DYNC2I1: variants seen among roughly 807,000 people sequenced by gnomAD.
The protein encoded by DYNC2I1 is cytoplasmic dynein 2 intermediate chain 1.
In DYNC2I1, 89 loss-of-function variants were observed where a neutral mutation model predicts 133.4. The ratio of observed to expected loss-of-function variants is 0.67; its 90% CI spans 0.56 to 0.80. The LOEUF is 0.80. Ranked by LOEUF, DYNC2I1 falls within the 30% of genes least tolerant of loss-of-function variation. The probability of loss-of-function intolerance (pLI) is 0.00; values close to 1 mark genes in which losing one functional copy is unlikely to be tolerated. For synonymous variants in DYNC2I1, 504 were observed against 484.3 expected, an observed-to-expected ratio of 1.04 and a Z score of -0.54; for missense variants, 1,291 against 1,314.5, an observed-to-expected ratio of 0.98 and a Z score of 0.28.
intron 11 of DYNC2I1, among the ~76,000 whole-genome samples, chr7:158,911,286 C>T (rs1324939497): frequency 6.6e-6 from 1 of 152,148 alleles, no homozygotes; most frequent in Non-Finnish European, 1.5e-5. Flanking sequence ...CGCATTAGAA[C>T]GGTCACACAT....
chr7:158,857,280 T>C (rs1841359005), intron 1 of DYNC2I1, among the ~76,000 whole-genome samples: 1 of 152,116 alleles, frequency 6.6e-6, no homozygotes, highest in South Asian at 2.1e-4. Context: ...AATAGCAACA[T>C]TATAGGGTGT....
intron 11 of DYNC2I1, among the ~76,000 whole-genome samples, 181 bp from the exon 12 acceptor site, chr7:158,911,369 C>T (rs577322524): frequency 1.3e-5 from 2 of 152,248 alleles, no homozygotes; most frequent in East Asian, 3.9e-4. Flanking sequence ...ACCAGGTTCC[C>T]ACGACTGTCT....
intron 3 of DYNC2I1, among the ~76,000 whole-genome samples, chr7:158,872,923 G>T (rs558527984): frequency 5.3e-4 from 80 of 151,602 alleles, no homozygotes; most frequent in Non-Finnish European, 8.5e-4. Context: ...CCCGGGAGGA[G>T]GAGGTTGCAA....
intron 6 of DYNC2I1, among the ~76,000 whole-genome samples, chr7:158,885,636 C>T (rs1207650432): frequency 6.6e-6 from 1 of 152,224 alleles, no homozygotes; most frequent in East Asian, 1.9e-4. Context: ...GCCACTGTGC[C>T]TGGCCTAAAC....
chr7:158,946,997 G>C (rs565408234), downstream of DYNC2I1, among the ~76,000 whole-genome samples: 184 of 152,360 alleles, frequency 1.2e-3, 1 homozygote, highest in African/African-American at 4.2e-3. Context: ...GGCCTCTCCA[G>C]CCACCCGAGC....
chr7:158,901,882 A>G (rs556009315), intron 9 of DYNC2I1, 66 bp downstream of exon 9: 95 of 1,215,938 alleles, frequency 7.8e-5, no homozygotes, highest in Non-Finnish European at 1.1e-4. Context: ...CAGCTTATAT[A>G]TAGTAATTTG....
intron 11 of DYNC2I1, among the ~76,000 whole-genome samples, chr7:158,907,144 C>T (rs966146390): frequency 8.1e-5 from 12 of 147,670 alleles, no homozygotes; most frequent in African/African-American, 1.5e-4. Context: ...GGTGGCAGAG[C>T]GAGACCCTGT....
chr7:158,938,905 T>G (rs945903309), intron 23 of DYNC2I1, among the ~76,000 whole-genome samples: 1 of 152,228 alleles, frequency 6.6e-6, no homozygotes, highest in African/African-American at 2.4e-5. Flanking sequence ...TGTGTTACTG[T>G]ATTTGTACAA....
chr7:158,934,672 C>T, intron 23 of DYNC2I1, 123 bp downstream of exon 23: 1 of 1,072,760 alleles, frequency 9.3e-7, no homozygotes, highest in Non-Finnish European at 1.3e-6. Context: ...CCTTGAACTC[C>T]TGGGCTCAAA....
chr7:158,866,679 G>C (rs183028157), intron 1 of DYNC2I1, among the ~76,000 whole-genome samples: 1 of 151,860 alleles, frequency 6.6e-6, no homozygotes, highest in African/African-American at 2.4e-5. Flanking sequence ...GAGGTTGGGA[G>C]TTCGAGACCA....
At chr7:158,958,499 T>C (rs1852257102), downstream of DYNC2I1, among the ~76,000 whole-genome samples, 1 of 152,212 alleles carries the variant, frequency 6.6e-6, no homozygotes, top group Non-Finnish European at 1.5e-5. Context: ...TCCCCGTTTT[T>C]GTCTCTTGCC....
chr7:158,923,058 C>T (rs953281578), intron 16 of DYNC2I1, among the ~76,000 whole-genome samples: 3 of 152,162 alleles, frequency 2.0e-5, no homozygotes, highest in Admixed American at 1.3e-4. Flanking sequence ...AGGCTGGCAC[C>T]GAGGCTTGAG....
chr7:158,899,359 T>C (rs6459911), intron 8 of DYNC2I1, among the ~76,000 whole-genome samples: 37,154 of 152,126 alleles, frequency 0.24, 5,594 homozygotes, highest in East Asian at 0.65. Context: ...CACGGATAAA[T>C]ACCTAAGCAT....
intron 8 of DYNC2I1, among the ~76,000 whole-genome samples, chr7:158,897,753 C>T (rs1845886628): frequency 6.6e-6 from 1 of 151,998 alleles, no homozygotes; most frequent in South Asian, 2.1e-4. Context: ...GATTTCTGCT[C>T]TAATTATTAT....
intron 13 of DYNC2I1, among the ~76,000 whole-genome samples, 165 bp from the exon 14 acceptor site, chr7:158,914,068 G>T (rs1165830428): frequency 1.3e-5 from 2 of 152,154 alleles, no homozygotes; most frequent in Non-Finnish European, 2.9e-5. Flanking sequence ...GTTGTTTTGG[G>T]GAGTTAACAG....
At chr7:158,910,412 G>A (rs572427197) in intron 11 of DYNC2I1, among the ~76,000 whole-genome samples, 2 of 92,288 alleles carry the variant, frequency 2.2e-5, no homozygotes, top group Admixed American at 1.2e-4. Context: ...ACCTGTGGGA[G>A]CGCGATTGGC....
At chr7:158,939,347 G>C (rs892193277) in intron 23 of DYNC2I1, among the ~76,000 whole-genome samples, 2 of 152,142 alleles carry the variant, frequency 1.3e-5, no homozygotes, top group African/African-American at 4.8e-5. Context: ...TTGGGAGGCT[G>C]ATGAGGGAAG....
rs1411302754 is a variant in DYNC2I1, at chr7:158,926,447, G to A, written c.2417G>A (p.Gly806Glu). The change falls in exon 19 of 25, where the codon GGG (glycine) becomes GAG (glutamate). Residue 806 changes from glycine (G) to glutamate (E), a missense_variant. By Grantham distance (98) the Gly-to-Glu change is moderately conservative. Coordinates refer to ENST00000407559, the MANE Select transcript of DYNC2I1 (RefSeq NM_018051.5). ...SFHIASLDESGVLNVWVVVEL... is the reference protein window; with the variant it reads ...SFHIASLDESEVLNVWVVVEL... Reference sequence around the variant, plus strand: ...CACATCGCTTCCTTGGATGAGAGTGGGGTTCTCAATGTATGGGTGAGTAGT... The same window carrying A: ...CACATCGCTTCCTTGGATGAGAGTGAGGTTCTCAATGTATGGGTGAGTAGT... 1.2e-6 allele frequency: 2 copies of A among 1,613,216 alleles called. No individual in the cohort carries two copies. Among genetic ancestry groups the A allele is most frequent in the African/African-American group, 1.3e-5 (1 of 74,936 alleles).
chr7:158,875,722 C>T (rs779790042), intron 3 of DYNC2I1, among the ~76,000 whole-genome samples: 5 of 152,128 alleles, frequency 3.3e-5, no homozygotes, highest in Non-Finnish European at 7.4e-5. Context: ...CTCTGGCTTC[C>T]TTGGTCCCCT....
Sources: allele counts gnomAD v4.1 joint callset (sites outside exome capture counted in the v4.1 genomes callset), GRCh38; gene constraint gnomAD v4.1.1; transcripts MANE v1.5; gene names NCBI Gene and HGNC (gene_info 2026-07-23, HGNC 2026-07-21).